FAAH2: variants seen among roughly 807,000 people sequenced by gnomAD.
The protein encoded by FAAH2 is fatty-acid amide hydrolase 2.
FAAH2 carries 60 observed loss-of-function variants against 36.9 expected under a neutral mutation model. The observed-to-expected ratio is 1.63, with a 90% confidence interval of 1.32 to 2.02. The LOEUF (loss-of-function observed/expected upper bound fraction) is 2.02, where lower values mean the gene tolerates loss of function less well. Among genes scored for constraint, FAAH2 ranks in the 30% most tolerant of loss-of-function variants. The pLI is 0.00. For synonymous variants in FAAH2, 214 were observed against 143.8 expected (o/e 1.49, Z -3.49); for missense variants, 689 against 397.5 (o/e 1.73, Z -6.23).
chrX:57,246,517 C>T, the FAAH2 span, among the ~76,000 whole-genome samples: 1 of 111,484 alleles, frequency 9.0e-6, no homozygotes, highest in East Asian at 2.8e-4. Flanking sequence ...AAAAGCTTAT[C>T]GACCATGATC....
At chrX:57,364,849 TA>T (rs1252421433) in intron 5 of FAAH2, among the ~76,000 whole-genome samples, 1 of 111,669 alleles carries the variant, frequency 9.0e-6, no homozygotes. Flanking sequence ...AATTTCCATG[TA>T]ATTATGTGGT....
chrX:57,272,307 A>G, the FAAH2 span, among the ~76,000 whole-genome samples: 73 of 111,287 alleles, frequency 6.6e-4, no homozygotes, highest in Non-Finnish European at 1.2e-3. Context: ...GATGGGGAGA[A>G]TGGAACCAAG....
chrX:57,276,782 G>T, the FAAH2 span, among the ~76,000 whole-genome samples: 1 of 111,930 alleles, frequency 8.9e-6, no homozygotes, highest in South Asian at 3.7e-4. Context: ...TACCTTTAGA[G>T]AATACTATAA....
chrX:57,280,301 A>C, the FAAH2 span, among the ~76,000 whole-genome samples: 4 of 111,265 alleles, frequency 3.6e-5, no homozygotes, highest in Admixed American at 1.9e-4. Context: ...TCTTTAATAG[A>C]AGAAACAAAA....
chrX:57,453,741 A>C (rs1420478569), intron 10 of FAAH2, among the ~76,000 whole-genome samples: 2 of 111,886 alleles, frequency 1.8e-5, no homozygotes, highest in Non-Finnish European at 3.8e-5. Flanking sequence ...CCCGGAAAGC[A>C]CCTAGACAGG....
intron 2 of FAAH2, among the ~76,000 whole-genome samples, chrX:57,306,781 A>G (rs761096764): frequency 2.7e-3 from 258 of 95,611 alleles, no homozygotes; most frequent in African/African-American, 8.6e-3. Context: ...TACCATATAT[A>G]TGTATACTAT....
At chrX:57,161,408 A>G in the FAAH2 span, among the ~76,000 whole-genome samples, 1 of 110,909 alleles carries the variant, frequency 9.0e-6, no homozygotes, top group Non-Finnish European at 1.9e-5. Flanking sequence ...CGGCTCCTGG[A>G]TATCCTTGTT....
the FAAH2 span, among the ~76,000 whole-genome samples, chrX:57,206,995 A>G: frequency 8.7e-4 from 97 of 111,547 alleles, no homozygotes; most frequent in African/African-American, 3.1e-3. Context: ...GGCTTATCTC[A>G]ACAATTTCAA....
chrX:57,361,065 C>T (rs2147139305), intron 5 of FAAH2, among the ~76,000 whole-genome samples: 1 of 111,070 alleles, frequency 9.0e-6, no homozygotes, highest in Non-Finnish European at 1.9e-5. Context: ...TTTTCTTTAT[C>T]CAGTCTCTCC....
the FAAH2 span, among the ~76,000 whole-genome samples, chrX:57,280,356 AC>A: frequency 9.0e-6 from 1 of 111,242 alleles, no homozygotes; most frequent in East Asian, 2.8e-4. Context: ...TAATTAAAAA[AC>A]CTTAATATCA....
In FAAH2 at chrX:57,378,748, C is replaced by T; in HGVS notation, c.840C>T (p.Ala280=). ...TGTGCCGTTATGCTGAAGACCTGGC[C>T]CCCATGTTGAAGGTCATGGCAGGAC... ...GPMCRYAEDL[A]PMLKVMAGPG... The change falls in exon 6 of 11, where the codon GCC becomes GCT. Residue 280 remains alanine (A), a synonymous_variant. Coordinates refer to ENST00000374900, the MANE Select transcript of FAAH2 (RefSeq NM_174912.4). 8 of 1,210,261 alleles carry T rather than the reference C, an allele frequency of 6.6e-6. No individual in the cohort carries two copies. The highest frequency in any genetic ancestry group is 7.8e-6 in the Non-Finnish European group (7 of 894,821).
At chrX:57,385,968 T>TA (rs1433173712) in intron 7 of FAAH2, among the ~76,000 whole-genome samples, 4 of 111,395 alleles carry the variant, frequency 3.6e-5, no homozygotes. Context: ...AAAGTCATGT[T>TA]ATAAAATTAT....
intron 5 of FAAH2, among the ~76,000 whole-genome samples, chrX:57,342,309 G>A (rs1447773386): frequency 9.0e-6 from 1 of 111,401 alleles, no homozygotes; most frequent in Non-Finnish European, 1.9e-5. Flanking sequence ...ATAAGTGGGA[G>A]CTAAATGTTG....
intron 2 of FAAH2, among the ~76,000 whole-genome samples, chrX:57,306,988 C>CAGATATATATATATATATATATATAT (rs1339824539): frequency 2.0e-4 from 2 of 10,233 alleles, no homozygotes; most frequent in African/African-American, 2.2e-4. Context: ...CACACACACA[C>CAGATATATATATATATATATATATAT]ACACAGATAC....
At chrX:57,431,894 G>A in intron 7 of FAAH2, 24 bp from the exon 8 acceptor site, 1 of 1,137,459 alleles carries the variant, frequency 8.8e-7, no homozygotes. Flanking sequence ...ATGTTTGTCT[G>A]TTTTTATATC....
chrX:57,222,107 G>T, the FAAH2 span, among the ~76,000 whole-genome samples: 1 of 111,415 alleles, frequency 9.0e-6, no homozygotes, highest in Non-Finnish European at 1.9e-5. Context: ...GAACCTGAGA[G>T]CTCACAACCG....
At chrX:57,471,247 G>A (rs1034039602) in intron 10 of FAAH2, among the ~76,000 whole-genome samples, 9 of 111,716 alleles carry the variant, frequency 8.1e-5, no homozygotes, top group African/African-American at 2.9e-4. Flanking sequence ...TATGGCCAGG[G>A]CAATGAGGCA....
rs1452403484 is a variant in FAAH2 at position 57,437,940 on chromosome X, G to GTACATGTATACACATATATACATAC, written c.1116+5903_1116+5904insTACATGTATACACATATATACATAC. ...GTACATGTATACACATATATACATA[G>GTACATGTATACACATATATACATAC]GTACATGTATACACATATATACATA... On this transcript the variant is annotated intron_variant, in intron 8 of 10. Coordinates refer to ENST00000374900, the MANE Select transcript of FAAH2 (RefSeq NM_174912.4). 3.3e-4 allele frequency among the ~76,000 whole-genome samples: 33 copies of GTACATGTATACACATATATACATAC among 101,258 alleles called. No homozygotes were observed. The South Asian group carries it at 0.01, about 31-fold the overall frequency. 87.9% of individuals were successfully genotyped at this position (101,258 alleles called of 115,157 possible).
intron 7 of FAAH2, among the ~76,000 whole-genome samples, chrX:57,397,735 G>A (rs1014213569): frequency 9.2e-6 from 1 of 109,146 alleles, no homozygotes; most frequent in Non-Finnish European, 1.9e-5. Flanking sequence ...TTAAGTTCGA[G>A]GGTACATGTG....
Sources: allele counts gnomAD v4.1 joint callset (sites outside exome capture counted in the v4.1 genomes callset), GRCh38; gene constraint gnomAD v4.1.1; transcripts MANE v1.5; gene names NCBI Gene and HGNC (gene_info 2026-07-23, HGNC 2026-07-21).